The following KCNC1 variants were observed in gnomAD, a reference collection of about 807,000 sequenced individuals.
KCNC1 encodes the protein voltage-gated potassium channel KCNC1.
A neutral mutation model predicts 43.4 loss-of-function variants in KCNC1; 8 were observed. That is an observed-to-expected ratio of 0.18 (90% CI 0.11 to 0.33). The LOEUF (loss-of-function observed/expected upper bound fraction) is 0.33, where lower values mean the gene tolerates loss of function less well. KCNC1 is among the 10% of genes least tolerant of loss of function. The pLI, the probability that KCNC1 is intolerant of heterozygous loss-of-function variation, is 1.00. For missense variants in KCNC1, 420 were observed against 836.0 expected (o/e 0.50, Z 6.14); for synonymous variants, 361 against 360.5 (o/e 1.00, Z -0.01).
intron 1 of KCNC1, among the ~76,000 whole-genome samples, chr11:17,745,645 C>G (rs1848890547): frequency 6.6e-6 from 1 of 152,148 alleles, no homozygotes; most frequent in Non-Finnish European, 1.5e-5. Flanking sequence ...CCCAGCATCT[C>G]CCTCTGCTGT....
chr11:17,744,952 A>T (rs1848881017), intron 1 of KCNC1, among the ~76,000 whole-genome samples: 1 of 152,146 alleles, frequency 6.6e-6, no homozygotes, highest in African/African-American at 2.4e-5. Flanking sequence ...GTGAGGGTAC[A>T]TCGCTGCATT....
At chr11:17,774,030 C>T (rs113957645) in intron 2 of KCNC1, 4 of 985,406 alleles carry the variant, frequency 4.1e-6, no homozygotes, top group African/African-American at 3.5e-5. Flanking sequence ...CAATCCTCTT[C>T]TGGCTTTACC....
chr11:17,743,067 G>A (rs1003374319), intron 1 of KCNC1, among the ~76,000 whole-genome samples: 3 of 152,110 alleles, frequency 2.0e-5, no homozygotes, highest in Non-Finnish European at 4.4e-5. Flanking sequence ...CTTGAATCAC[G>A]CAGTGTCAGA....
Position 17,781,515 on chromosome 11 carries a change from A to C in KCNC1, c.1694-155A>C. 1.6e-6 allele frequency: 1 copy of C among 613,716 alleles called. No homozygotes were observed. Among genetic ancestry groups the C allele is most frequent in the Non-Finnish European group, 2.9e-6 (1 of 341,304 alleles). 38.0% of individuals were successfully genotyped at this position (613,716 alleles called of 1,614,324 possible). A position where few individuals can be genotyped will look rare whatever the true frequency, so the allele number is the denominator to read the frequency against. On this transcript the variant is annotated intron_variant, in intron 3 of 3. Coordinates refer to ENST00000265969, the MANE Select transcript of KCNC1 (RefSeq NM_001112741.2). This position sits in a 1 kb window ranked among gnomAD's most constrained non-coding sequence, Gnocchi z 5.1. ...AGAAAGAGGCGTGCTAGGCTGGCTC[A>C]GTGCATGGGCAAACCAAGCCAGCTG... is the stretch of plus-strand genomic sequence containing the variant.
At position 17,779,350 on chromosome 11, in the gene KCNC1, G is replaced by A; in HGVS notation, c.1505-106G>A. ...GCCTGCCCGCTTTTCCGTCCTCAGGGACGCTCAAGCTGCCCTCTGCCAATA... is the reference window on the plus strand; with the variant it reads ...GCCTGCCCGCTTTTCCGTCCTCAGGAACGCTCAAGCTGCCCTCTGCCAATA... On this transcript the variant is annotated intron_variant, in intron 2 of 3. Coordinates refer to ENST00000265969, the MANE Select transcript of KCNC1 (RefSeq NM_001112741.2). The surrounding 1 kb of genome is among the most constrained non-coding windows in gnomAD (Gnocchi z 7.2). The A allele has an allele frequency of 1.1e-6, 1 of 932,836 alleles. No individual in the cohort carries two copies. 57.8% of individuals were successfully genotyped at this position (932,836 alleles called of 1,614,324 possible). A position where few individuals can be genotyped will look rare whatever the true frequency, so the allele number is the denominator to read the frequency against.
At position 17,777,898 on chromosome 11, in the gene KCNC1, GTGTGCACGTGGGGAAGGA is replaced by G. The variant is rs1565164475; in HGVS notation, c.1505-1556_1505-1539del. On this transcript the variant is annotated intron_variant, in intron 2 of 3. Transcript: ENST00000265969. The surrounding 1 kb of genome is among the most constrained non-coding windows in gnomAD (Gnocchi z 4.3). ...AATCCCACCCACGTGCACGCCCAGC[GTGTGCACGTGGGGAAGGA>G]TCACTTCTGCGTGTAGTTACATGAT... 2.1e-6 allele frequency: 2 copies of G among 959,438 alleles called. No homozygotes were observed. Among genetic ancestry groups the G allele is most frequent in the Non-Finnish European group, 2.5e-6 (2 of 805,802 alleles). 59.4% of individuals were successfully genotyped at this position (959,438 alleles called of 1,614,324 possible).
chr11:17,749,818 T>C (rs1019379461), intron 1 of KCNC1, among the ~76,000 whole-genome samples: 1 of 152,238 alleles, frequency 6.6e-6, no homozygotes, highest in Non-Finnish European at 1.5e-5. Context: ...ACCTGGAGTA[T>C]GGTCTTGCCT....
intron 1 of KCNC1, among the ~76,000 whole-genome samples, chr11:17,749,760 T>G (rs1159688143): frequency 6.6e-6 from 1 of 152,196 alleles, no homozygotes; most frequent in Non-Finnish European, 1.5e-5. Flanking sequence ...GTGAGCTCCC[T>G]GCAAGCTGCC....
intron 1 of KCNC1, among the ~76,000 whole-genome samples, chr11:17,750,926 C>G (rs1335801453): frequency 1.3e-5 from 2 of 152,242 alleles, no homozygotes; most frequent in Admixed American, 1.3e-4. Flanking sequence ...TTCTGTGACT[C>G]TCAGACTCAA....
In KCNC1 at chr11:17,747,786, G is replaced by A. The variant is rs577924698; in HGVS notation, c.570+11214G>A. On this transcript the variant is annotated intron_variant, in intron 1 of 3. Coordinates refer to ENST00000265969, the MANE Select transcript of KCNC1 (RefSeq NM_001112741.2). The stretch of plus-strand genomic sequence containing the variant: ...TTCTCTCAAGCCTCTGCAGGGCGTC[G>A]GATGCCCCTTCCACCCTGGCCAGCC... Among the ~76,000 whole-genome samples the A allele has an allele frequency of 1.1e-4, 17 of 152,272 alleles. No homozygotes were observed. The South Asian group carries it at 1.7e-3, about 15-fold the overall frequency.
At chr11:17,760,239 GCAGT>G (rs1849062997) in intron 1 of KCNC1, among the ~76,000 whole-genome samples, 1 of 152,194 alleles carries the variant, frequency 6.6e-6, no homozygotes, top group Non-Finnish European at 1.5e-5. Flanking sequence ...GAGCTCCCTG[GCAGT>G]CAGAGCAAAA....
At position 17,737,672 on chromosome 11, in the gene KCNC1, G is replaced by C. The variant is rs139332495; in HGVS notation, c.570+1100G>C. On this transcript the variant is annotated intron_variant, in intron 1 of 3. Coordinates refer to ENST00000265969, the MANE Select transcript of KCNC1 (RefSeq NM_001112741.2). ...GCCTTCACTGGGCTCTGTCCTTAGA[G>C]GCCTAAAGAGAGACCCTAAGGCCTG... Among the ~76,000 whole-genome samples the C allele has an allele frequency of 7.8e-3, 1,192 of 152,256 alleles. 17 individuals carry two copies. Among genetic ancestry groups the C allele is most frequent in the African/African-American group, 0.027 (1,140 of 41,546 alleles).
chr11:17,762,417 ACTTC>A (rs1232370932), intron 1 of KCNC1, among the ~76,000 whole-genome samples: 1 of 152,124 alleles, frequency 6.6e-6, no homozygotes, highest in Non-Finnish European at 1.5e-5. Flanking sequence ...GTGTCTGAAC[ACTTC>A]CTTCTTGCTC....
chr11:17,772,027 C>T lies in KCNC1; in HGVS notation c.933C>T (p.Arg311=), dbSNP rs76882721. The change falls in exon 2 of 4, where the codon CGC becomes CGT. Residue 311 remains arginine, a synonymous_variant. Coordinates refer to ENST00000265969, the MANE Select transcript of KCNC1 (RefSeq NM_001112741.2). ...CCAAGGACGTGCTGGGCTTCCTGCG[C>T]GTCGTCCGCTTCGTGCGCATCTTGC... ...KAAKDVLGFL[R]VVRFVRILRI... 4.6e-4 allele frequency: 740 copies of T among 1,613,464 alleles called. 5 individuals carry two copies. The African/African-American group carries it at 7.7e-3, about 17-fold the overall frequency.
chr11:17,767,284 CAAAAAA>C (rs71483495), intron 1 of KCNC1, among the ~76,000 whole-genome samples: 1 of 95,928 alleles, frequency 1.0e-5, no homozygotes, highest in Non-Finnish European at 2.2e-5. Context: ...GACTCCGTCT[CAAAAAA>C]AAAAAAAAAA....
intron 1 of KCNC1, among the ~76,000 whole-genome samples, chr11:17,758,320 C>A (rs1206230742): frequency 6.6e-6 from 1 of 152,248 alleles, no homozygotes; most frequent in Non-Finnish European, 1.5e-5. Context: ...TTCATCACAT[C>A]TGCAGTGACT....
At chr11:17,746,707 T>C (rs1276856800) in intron 1 of KCNC1, among the ~76,000 whole-genome samples, 2 of 152,148 alleles carry the variant, frequency 1.3e-5, no homozygotes, top group African/African-American at 4.8e-5. Context: ...GTAGAAAGTG[T>C]ATGGGCTTTG....
At position 17,781,091 on chromosome 11, in the gene KCNC1, T is replaced by C. The variant is rs1055167346; in HGVS notation, c.1694-579T>C. 1.3e-5 allele frequency: 2 copies of C among 152,282 alleles called. No individual in the cohort carries two copies. The highest frequency in any genetic ancestry group is 2.9e-5 in the Non-Finnish European group (2 of 68,060). The allele number at this position is 152,282 out of a possible 1,614,324, so 9.4% of individuals were successfully genotyped here. A position where few individuals can be genotyped will look rare whatever the true frequency, so the allele number is the denominator to read the frequency against. ...TGTCTGTGCCCTGCCCAGTAAGCTC[T>C]CGTGGGCTTTCTGTCTCCATCATCT... On this transcript the variant is annotated intron_variant, in intron 3 of 3. Coordinates refer to ENST00000265969, the MANE Select transcript of KCNC1 (RefSeq NM_001112741.2). The surrounding 1 kb of genome is among the most constrained non-coding windows in gnomAD (Gnocchi z 5.1).
In KCNC1 at chr11:17,771,250, C is replaced by G. The variant is rs61882394; in HGVS notation, c.571-415C>G. On this transcript the variant is annotated intron_variant, in intron 1 of 3. Transcript: ENST00000265969. The surrounding 1 kb of genome is among the most constrained non-coding windows in gnomAD (Gnocchi z 4.7). ...GCAAACTTCAGCCCCAGCAGGCTAG[C>G]TAAATGGGCAGGGTAGCTAAATGCC... 6.6e-6 allele frequency among the ~76,000 whole-genome samples: 1 copy of G among 151,938 alleles called. No individual in the cohort carries two copies. Among genetic ancestry groups the G allele is most frequent in the Non-Finnish European group, 1.5e-5 (1 of 67,968 alleles).
Sources: allele counts gnomAD v4.1 joint callset (sites outside exome capture counted in the v4.1 genomes callset), GRCh38; gene constraint gnomAD v4.1.1; non-coding constraint Gnocchi (gnomAD v3.1); transcripts MANE v1.5; gene names NCBI Gene and HGNC (gene_info 2026-07-23, HGNC 2026-07-21).